LRRC8D: variants seen among roughly 807,000 people sequenced by gnomAD.
LRRC8D encodes the protein leucine rich repeat containing 8 VRAC subunit D.
Under a neutral mutation model 55.8 loss-of-function variants are expected in LRRC8D, and 20 were observed. The observed-to-expected ratio is 0.36, with a 90% CI of 0.25 to 0.52. LRRC8D has a LOEUF of 0.52. Ranked by LOEUF, LRRC8D falls within the 20% of genes least tolerant of loss-of-function variation. The probability of loss-of-function intolerance (pLI) is 0.93; values close to 1 mark genes in which losing one functional copy is unlikely to be tolerated. For missense variants in LRRC8D, 651 were observed against 1,030.8 expected (o/e 0.63, Z 5.05); for synonymous variants, 352 against 377.0 (o/e 0.93, Z 0.77).
At chr1:89,866,255 C>T (rs1032219433) in intron 2 of LRRC8D, among the ~76,000 whole-genome samples, 1 of 152,180 alleles carries the variant, frequency 6.6e-6, no homozygotes, top group Admixed American at 6.5e-5. Flanking sequence ...TACATTTTAT[C>T]ATTGCCGTGT....
At chr1:89,822,623 T>G (rs1411601572) in intron 1 of LRRC8D, among the ~76,000 whole-genome samples, 1 of 152,128 alleles carries the variant, frequency 6.6e-6, no homozygotes, top group African/African-American at 2.4e-5. Flanking sequence ...AATCCCCGTT[T>G]GCAGTAATGA....
chr1:89,885,596 G>A (rs1279061323), intron 2 of LRRC8D, among the ~76,000 whole-genome samples: 1 of 152,146 alleles, frequency 6.6e-6, no homozygotes, highest in African/African-American at 2.4e-5. Flanking sequence ...TGTTTGGAAA[G>A]GGCAAAAAGG....
At chr1:89,860,513 A>G (rs1661674589) in intron 2 of LRRC8D, among the ~76,000 whole-genome samples, 1 of 151,744 alleles carries the variant, frequency 6.6e-6, no homozygotes, top group Non-Finnish European at 1.5e-5. Context: ...TAATCCTAGC[A>G]CTTTGTGAGG....
At chr1:89,864,003 A>C (rs559296852) in intron 2 of LRRC8D, among the ~76,000 whole-genome samples, 2 of 152,214 alleles carry the variant, frequency 1.3e-5, no homozygotes, top group African/African-American at 4.8e-5. Flanking sequence ...GTTATGGCAT[A>C]AAGTGCAGAG....
At chr1:89,867,738 G>A (rs184523957) in intron 2 of LRRC8D, among the ~76,000 whole-genome samples, 98 of 152,224 alleles carry the variant, frequency 6.4e-4, no homozygotes, top group African/African-American at 2.1e-3. Context: ...CAGCAATGTC[G>A]TTTTTGATTT....
rs752852749 is a variant in LRRC8D, at chr1:89,934,979, C to T, written c.1911C>T (p.Val637=). 7 of 1,614,072 alleles carry T rather than the reference C, an allele frequency of 4.3e-6. No homozygotes were observed. Among genetic ancestry groups the T allele is most frequent in the Admixed American group, 3.3e-5 (2 of 60,016 alleles). The change falls in exon 3 of 3, where the codon GTC becomes GTT. Residue 637 remains valine, a synonymous_variant. Coordinates refer to ENST00000337338, the MANE Select transcript of LRRC8D (RefSeq NM_001134479.2). This position sits in a 1 kb window ranked among gnomAD's most constrained non-coding sequence, Gnocchi z 5.9. Reference sequence around the variant, plus strand: ...ACAGCCTTAAGAAAATGATGAATGTCGCTGAGCTGGAACTCCAGAACTGTG... The same window carrying T: ...ACAGCCTTAAGAAAATGATGAATGTTGCTGAGCTGGAACTCCAGAACTGTG... The part of the protein sequence containing the change: ...VLNSLKKMMN[V]AELELQNCEL...
chr1:89,902,541 CTTTTTTTT>C (rs935184892), intron 2 of LRRC8D, among the ~76,000 whole-genome samples: 1 of 145,298 alleles, frequency 6.9e-6, no homozygotes, highest in Non-Finnish European at 1.5e-5. Flanking sequence ...TTCTTTTTTT[CTTTTTTTT>C]TTTTTGAGAC....
In LRRC8D at chr1:89,933,149, T is replaced by C; in HGVS notation, c.81T>C (p.Phe27=). The change falls in exon 3 of 3, where the codon TTT becomes TTC. Residue 27 remains phenylalanine (F), a synonymous_variant. Coordinates refer to ENST00000337338, the MANE Select transcript of LRRC8D (RefSeq NM_001134479.2). This position sits in a 1 kb window ranked among gnomAD's most constrained non-coding sequence, Gnocchi z 7.0. ...YRILKPWWDV[F]MDYLAVVMLM... ...TCCTGAAACCATGGTGGGATGTGTT[T>C]ATGGATTACCTAGCTGTTGTTATGT... is the stretch of plus-strand genomic sequence containing the variant. 3 of 1,614,220 alleles carry C rather than the reference T, an allele frequency of 1.9e-6. No homozygotes were observed. Among genetic ancestry groups the C allele is most frequent in the Non-Finnish European group, 2.5e-6 (3 of 1,180,030 alleles).
chr1:89,846,401 G>A (rs535836169), intron 2 of LRRC8D, among the ~76,000 whole-genome samples: 6 of 150,984 alleles, frequency 4.0e-5, no homozygotes, highest in Non-Finnish European at 7.4e-5. Flanking sequence ...ATTTTCTCCA[G>A]TTTATGGAGA....
intron 2 of LRRC8D, among the ~76,000 whole-genome samples, chr1:89,847,115 G>A (rs984296939): frequency 5.3e-5 from 8 of 152,124 alleles, no homozygotes; most frequent in Non-Finnish European, 1.2e-4. Context: ...ATGCAAGTAA[G>A]TTTATTTCCT....
chr1:89,844,918 A>G (rs1003659392), intron 2 of LRRC8D, among the ~76,000 whole-genome samples: 5 of 152,246 alleles, frequency 3.3e-5, no homozygotes, highest in Admixed American at 6.5e-5. Context: ...TGTTAAAGCC[A>G]GTAGCATCTT....
intron 2 of LRRC8D, among the ~76,000 whole-genome samples, chr1:89,901,966 C>T (rs1662866798): frequency 6.6e-6 from 1 of 152,224 alleles, no homozygotes; most frequent in Non-Finnish European, 1.5e-5. Flanking sequence ...ACCCTTTTCT[C>T]TGTACTGGCC....
intron 1 of LRRC8D, among the ~76,000 whole-genome samples, chr1:89,824,333 C>T (rs560354841): frequency 5.3e-5 from 8 of 152,144 alleles, no homozygotes; most frequent in African/African-American, 1.9e-4. Flanking sequence ...AGGGTCTGGG[C>T]AAATCCTTAT....
In LRRC8D at chr1:89,936,163, C is replaced by T. The variant is rs758507096; in HGVS notation, c.*518C>T. On this transcript the variant is annotated 3_prime_UTR_variant, in exon 3 of 3. Coordinates refer to ENST00000337338, the MANE Select transcript of LRRC8D (RefSeq NM_001134479.2). ...TAATTTAAAGTGCCTCAAGTAAGCA[C>T]CTCTCACAACAGTTGACTGGTACTG... 1.2e-5 allele frequency: 2 copies of T among 169,168 alleles called. No individual in the cohort carries two copies. Among genetic ancestry groups the T allele is most frequent in the Non-Finnish European group, 2.9e-5 (2 of 69,636 alleles). The allele number at this position is 169,168 out of a possible 1,614,324, so 10.5% of individuals were successfully genotyped here. A position where few individuals can be genotyped will look rare whatever the true frequency, so the allele number is the denominator to read the frequency against.
At chr1:89,891,017 G>A (rs193299945) in intron 2 of LRRC8D, among the ~76,000 whole-genome samples, 1 of 152,248 alleles carries the variant, frequency 6.6e-6, no homozygotes, top group Admixed American at 6.5e-5. Flanking sequence ...GAGTAGCTGG[G>A]ACTGCAGGCG....
chr1:89,906,267 C>CA (rs1662989091), intron 2 of LRRC8D, among the ~76,000 whole-genome samples: 1 of 152,194 alleles, frequency 6.6e-6, no homozygotes, highest in Admixed American at 6.5e-5. Flanking sequence ...GTACTGTACA[C>CA]ACTGTAGCCC....
chr1:89,872,904 T>A (rs1662056930), intron 2 of LRRC8D, among the ~76,000 whole-genome samples: 1 of 152,330 alleles, frequency 6.6e-6, no homozygotes, highest in South Asian at 2.1e-4. Context: ...TTTCCACATG[T>A]TTAGGATAGG....
At chr1:89,923,901 G>A (rs1290491911) in intron 2 of LRRC8D, among the ~76,000 whole-genome samples, 7 of 152,134 alleles carry the variant, frequency 4.6e-5, no homozygotes, top group South Asian at 2.1e-4. Context: ...ACTGGACCCC[G>A]TCCTTTCACC....
At chr1:89,875,202 G>C (rs907099771) in intron 2 of LRRC8D, among the ~76,000 whole-genome samples, 1 of 152,192 alleles carries the variant, frequency 6.6e-6, no homozygotes, top group Non-Finnish European at 1.5e-5. Flanking sequence ...AGGCATTGCT[G>C]TTGGATTTTT....
Sources: gnomAD v4.1 joint callset for allele counts (sites outside exome capture counted in the v4.1 genomes callset) on GRCh38, gnomAD v4.1.1 for gene constraint, Gnocchi (gnomAD v3.1) non-coding constraint, MANE v1.5 for transcripts, NCBI Gene and HGNC (gene_info 2026-07-23, HGNC 2026-07-21) for gene names.